Variants in COLEC12 observed in about 807,000 individuals in gnomAD.
COLEC12 encodes the protein collectin subfamily member 12, also known as collectin-12.
COLEC12 carries 33 observed loss-of-function variants against 71.1 expected under a neutral mutation model. The ratio of observed to expected loss-of-function variants is 0.46; its 90% CI spans 0.35 to 0.62. COLEC12 has a LOEUF of 0.62. Among genes scored for constraint, COLEC12 ranks in the 20% least tolerant of loss-of-function variants. The pLI is 0.00. For synonymous variants in COLEC12, 350 were observed against 353.0 expected, an observed-to-expected ratio of 0.99 and a Z score of 0.10; for missense variants, 765 against 916.1, an observed-to-expected ratio of 0.84 and a Z score of 2.13.
chr18:324,012 T>C (rs1248743305), intron 8 of COLEC12, among the ~76,000 whole-genome samples: 1 of 152,146 alleles, frequency 6.6e-6, no homozygotes, highest in Non-Finnish European at 1.5e-5. Flanking sequence ...AAGGCTTTCC[T>C]TAGGACTAAA....
At chr18:495,542 C>G (rs1204809212) in intron 1 of COLEC12, among the ~76,000 whole-genome samples, 2 of 152,228 alleles carry the variant, frequency 1.3e-5, no homozygotes, top group African/African-American at 4.8e-5. Flanking sequence ...CACAGGGAAG[C>G]AATCCTGAAA....
chr18:350,818 C>T (rs1323715398), intron 3 of COLEC12, among the ~76,000 whole-genome samples: 1 of 151,932 alleles, frequency 6.6e-6, no homozygotes, highest in African/African-American at 2.4e-5. Context: ...ACCTCAGCTA[C>T]TTAGGAGGCT....
rs1400580381 is a variant in COLEC12 at position 319,333 on chromosome 18, A to ATATAT, written c.*711_*712insATATA. On this transcript the variant is annotated 3_prime_UTR_variant, in exon 10 of 10. Coordinates refer to ENST00000400256, the MANE Select transcript of COLEC12 (RefSeq NM_130386.3). ...GGAAATGAAACATTAAAAAAAAAAA[A>ATATAT]AAAAAAAAATATATATATATATATA... 75 of 65,790 alleles carry ATATAT rather than the reference A, an allele frequency of 1.1e-3. 1 individual carries two copies. The highest frequency in any genetic ancestry group is 3.0e-3 in the African/African-American group (66 of 21,764). The allele number at this position is 65,790 out of a possible 1,614,324, so 4.1% of individuals were successfully genotyped here.
At chr18:461,550 C>CTAATTTTT (rs1291642270) in intron 2 of COLEC12, among the ~76,000 whole-genome samples, 1 of 152,146 alleles carries the variant, frequency 6.6e-6, no homozygotes, top group African/African-American at 2.4e-5. Context: ...CCATGTCCAG[C>CTAATTTTT]TAATTTTTTA....
rs897738341 is a variant in COLEC12, at chr18:408,776, T to C, written c.59-51254A>G. 2.0e-5 allele frequency among the ~76,000 whole-genome samples: 3 copies of C among 152,200 alleles called. No homozygotes were observed. Among genetic ancestry groups the C allele is most frequent in the Non-Finnish European group, 2.9e-5 (2 of 68,034 alleles). ...CATAATAATGTATTTCACACTAAAA[T>C]AGGATTGAACTGCCTAATTCAGAAA... On this transcript the variant is annotated intron_variant, in intron 2 of 9. Transcript: ENST00000400256. The surrounding 1 kb of genome is among the most constrained non-coding windows in gnomAD (Gnocchi z 4.3).
rs900858677 is a variant in COLEC12 at position 399,041 on chromosome 18, T to A, written c.59-41519A>T. 2.6e-5 allele frequency among the ~76,000 whole-genome samples: 4 copies of A among 152,246 alleles called. No individual in the cohort carries two copies. The highest frequency in any genetic ancestry group is 9.6e-5 in the African/African-American group (4 of 41,464). The stretch of plus-strand genomic sequence containing the variant: ...TCCTCTGATCTTGTTACCCATGTAA[T>A]ACAACAGAGTAGGTCCAAATAGTGC... On this transcript the variant is annotated intron_variant, in intron 2 of 9. Coordinates refer to ENST00000400256, the MANE Select transcript of COLEC12 (RefSeq NM_130386.3). The surrounding 1 kb of genome is among the most constrained non-coding windows in gnomAD (Gnocchi z 4.0).
In COLEC12 at chr18:333,004, T is replaced by C. The variant is rs1343994148; in HGVS notation, c.1953+3A>G. The C allele has an allele frequency of 6.3e-7, 1 of 1,579,796 alleles. No individual in the cohort carries two copies. Among genetic ancestry groups the C allele is most frequent in the Non-Finnish European group, 8.6e-7 (1 of 1,166,854 alleles). On this transcript the variant is annotated splice_donor_region_variant and intron_variant, in intron 7 of 9. Transcript: ENST00000400256. ...TCCCCAACCAAGTATGTGGCAGGCA[T>C]ACCTGTTCCTCTCTAGTGTTTATGA...
chr18:368,904 A>C (rs1219838534), intron 2 of COLEC12, among the ~76,000 whole-genome samples: 7 of 152,150 alleles, frequency 4.6e-5, no homozygotes, highest in Admixed American at 1.3e-4. Context: ...CAAAACAAAA[A>C]AAATTCAAAA....
Position 393,091 on chromosome 18 carries a change from A to G in COLEC12, c.59-35569T>C, listed in dbSNP as rs144118987. Reference sequence around the variant, plus strand: ...ATTCACACATCAAGCCAAACCATCAAAAAACAGCAGGCTTAGGCTGAATTG... The same window carrying G: ...ATTCACACATCAAGCCAAACCATCAGAAAACAGCAGGCTTAGGCTGAATTG... On this transcript the variant is annotated intron_variant, in intron 2 of 9. Transcript: ENST00000400256. Among the ~76,000 whole-genome samples the G allele has an allele frequency of 5.9e-3, 899 of 152,372 alleles. 13 individuals carry two copies. Among genetic ancestry groups the G allele is most frequent in the African/African-American group, 0.02 (841 of 41,598 alleles).
chr18:364,691 A>C (rs897885296), intron 2 of COLEC12, among the ~76,000 whole-genome samples: 2 of 152,228 alleles, frequency 1.3e-5, no homozygotes, highest in Non-Finnish European at 1.5e-5. Context: ...CTGACAGGTA[A>C]TTGAGGAAGG....
intron 3 of COLEC12, among the ~76,000 whole-genome samples, chr18:350,615 T>TG (rs1336316059): frequency 6.6e-6 from 1 of 150,756 alleles, no homozygotes; most frequent in Non-Finnish European, 1.5e-5. Context: ...CTGTCCTTCT[T>TG]AGTATCAATA....
At chr18:489,205 G>A (rs1161477336) in intron 1 of COLEC12, among the ~76,000 whole-genome samples, 1 of 152,226 alleles carries the variant, frequency 6.6e-6, no homozygotes, top group Non-Finnish European at 1.5e-5. Context: ...ACATTTAGCA[G>A]CAAAGTTGGA....
chr18:477,214 T>C (rs1917322902), intron 2 of COLEC12, among the ~76,000 whole-genome samples: 1 of 152,220 alleles, frequency 6.6e-6, no homozygotes, highest in Non-Finnish European at 1.5e-5. Context: ...ACTGTAATAG[T>C]ATGCTAAATT....
intron 1 of COLEC12, among the ~76,000 whole-genome samples, chr18:491,503 AAAC>A (rs1917619051): frequency 1.3e-5 from 2 of 152,226 alleles, no homozygotes; most frequent in Admixed American, 6.5e-5. Context: ...GACACATGGA[AAAC>A]ATCCAACACA....
At position 347,025 on chromosome 18, in the gene COLEC12, A is replaced by G; in HGVS notation, c.597T>C (p.His199=). ...TGTTGAGGTTCATGATGACCACATT[A>G]TGAGAATACATTTGGTTCTGCAGAT... ...QGNLQNQMYS[H]NVVIMNLNNL... Residue 199 remains histidine, a synonymous_variant, in exon 5 of 10, where the codon CAT becomes CAC. Coordinates refer to ENST00000400256, the MANE Select transcript of COLEC12 (RefSeq NM_130386.3). 6.2e-7 allele frequency: 1 copy of G among 1,614,214 alleles called. No individual in the cohort carries two copies. The highest frequency in any genetic ancestry group is 8.5e-7 in the Non-Finnish European group (1 of 1,180,040).
At chr18:454,409 T>C (rs1034103508) in intron 2 of COLEC12, among the ~76,000 whole-genome samples, 2 of 152,188 alleles carry the variant, frequency 1.3e-5, no homozygotes, top group Admixed American at 1.3e-4. Flanking sequence ...CAGCCGGGCA[T>C]GGTGGCTCAC....
intron 2 of COLEC12, among the ~76,000 whole-genome samples, chr18:416,399 G>C (rs1355429258): frequency 6.6e-6 from 1 of 152,200 alleles, no homozygotes; most frequent in African/African-American, 2.4e-5. Context: ...GGATGAATCA[G>C]GTCAGAGGCT....
At chr18:453,820 T>C (rs938151369) in intron 2 of COLEC12, among the ~76,000 whole-genome samples, 1 of 152,188 alleles carries the variant, frequency 6.6e-6, no homozygotes, top group South Asian at 2.1e-4. Flanking sequence ...TGTACCCCTG[T>C]TCAGCAAGAT....
At chr18:395,194 T>C (rs1915544548) in intron 2 of COLEC12, among the ~76,000 whole-genome samples, 1 of 152,232 alleles carries the variant, frequency 6.6e-6, no homozygotes, top group South Asian at 2.1e-4. Context: ...CACGCTCTGC[T>C]GATGAATGTG....
Sources: allele counts gnomAD v4.1 joint callset (sites outside exome capture counted in the v4.1 genomes callset), GRCh38; gene constraint gnomAD v4.1.1; non-coding constraint Gnocchi (gnomAD v3.1); transcripts MANE v1.5; gene names NCBI Gene and HGNC (gene_info 2026-07-23, HGNC 2026-07-21).